KHDRBS3: variants seen among roughly 807,000 people sequenced by gnomAD.
The protein encoded by KHDRBS3 is KH RNA binding domain containing, signal transduction associated 3, also known as KH domain-containing, RNA-binding, signal transduction-associated protein 3.
A neutral mutation model predicts 45.6 loss-of-function variants in KHDRBS3; 23 were observed. The ratio of observed to expected loss-of-function variants is 0.50; its 90% CI spans 0.36 to 0.72. The LOEUF (loss-of-function observed/expected upper bound fraction) is 0.72. Among genes scored for constraint, KHDRBS3 ranks in the 30% least tolerant of loss-of-function variants. The probability of loss-of-function intolerance (pLI) is 0.00; values close to 1 mark genes in which losing one functional copy is unlikely to be tolerated. For missense variants in KHDRBS3, 352 were observed against 424.8 expected (o/e 0.83, Z 1.51); for synonymous variants, 162 against 156.5 (o/e 1.04, Z -0.26).
At chr8:135,542,591 T>C in intron 2 of KHDRBS3, 63 bp from the exon 3 acceptor site, 1 of 1,040,868 alleles carries the variant, frequency 9.6e-7, no homozygotes, top group Non-Finnish European at 1.5e-6. Context: ...TTTCTTAACA[T>C]TCAAGATTAA....
At chr8:135,585,228 C>CAAAAAAAAAAA (rs35301059) in intron 6 of KHDRBS3, among the ~76,000 whole-genome samples, 1 of 96,170 alleles carries the variant, frequency 1.0e-5, no homozygotes, top group African/African-American at 4.3e-5. Flanking sequence ...GACTCCGTCT[C>CAAAAAAAAAAA]AAAAAAAAAA....
At chr8:135,498,505 A>G (rs1374047335) in intron 1 of KHDRBS3, among the ~76,000 whole-genome samples, 1 of 152,180 alleles carries the variant, frequency 6.6e-6, no homozygotes, top group African/African-American at 2.4e-5. Context: ...ACCTGTTCAG[A>G]ACATTCATTA....
At position 135,614,536 on chromosome 8, in the gene KHDRBS3, A is replaced by C. The variant is rs138949316; in HGVS notation, c.890+7499A>C. ...GGCTCCTAGAGTGATCATAAACTAA[A>C]TAGAACATAAAGGGTCTCAAAAAGT... On this transcript the variant is annotated intron_variant, in intron 7 of 8. Transcript: ENST00000355849. Among the ~76,000 whole-genome samples the C allele has an allele frequency of 1.5e-3, 230 of 151,968 alleles. 8 individuals carry two copies. Among genetic ancestry groups the C allele is most frequent in the African/African-American group, 5.2e-3 (215 of 41,236 alleles).
At chr8:135,574,176 TCACCTCCATCATGTTAGCACG>T (rs1827843246) in intron 5 of KHDRBS3, among the ~76,000 whole-genome samples, 1 of 103,656 alleles carries the variant, frequency 9.6e-6, no homozygotes, top group African/African-American at 3.1e-5. Flanking sequence ...TGTTAGCACG[TCACCTCCATCATGTTAGCACG>T]TCACCTCCAT....
At chr8:135,609,248 C>T (rs1829608998) in intron 7 of KHDRBS3, among the ~76,000 whole-genome samples, 1 of 151,968 alleles carries the variant, frequency 6.6e-6, no homozygotes, top group Admixed American at 6.6e-5. Context: ...TGTACAAATA[C>T]ATTTCTTCAT....
At chr8:135,557,098 A>G (rs973549846) in intron 4 of KHDRBS3, among the ~76,000 whole-genome samples, 1 of 152,190 alleles carries the variant, frequency 6.6e-6, no homozygotes, top group African/African-American at 2.4e-5. Context: ...GGTTCATTAT[A>G]GATAATCAAT....
chr8:135,653,420 C>T (rs1405183845), intron 4 of KHDRBS3, among the ~76,000 whole-genome samples: 1 of 152,192 alleles, frequency 6.6e-6, no homozygotes, highest in Non-Finnish European at 1.5e-5. Context: ...ACAGTCCCTA[C>T]TACAATAGTT....
At chr8:135,589,582 A>G (rs575501309) in intron 6 of KHDRBS3, among the ~76,000 whole-genome samples, 30 of 152,290 alleles carry the variant, frequency 2.0e-4, no homozygotes, top group Non-Finnish European at 3.4e-4. Flanking sequence ...TTTACTATTT[A>G]TAGCTTTAGA....
intron 6 of KHDRBS3, among the ~76,000 whole-genome samples, chr8:135,602,012 A>C (rs774418425): frequency 6.6e-6 from 1 of 152,164 alleles, no homozygotes; most frequent in Non-Finnish European, 1.5e-5. Context: ...CAGATAAAAA[A>C]ATCTTAAGGT....
chr8:135,605,398 T>G (rs1270597649), intron 6 of KHDRBS3, among the ~76,000 whole-genome samples: 1 of 152,174 alleles, frequency 6.6e-6, no homozygotes, highest in African/African-American at 2.4e-5. Flanking sequence ...TTCTTCATCC[T>G]AGTTCTATCT....
At chr8:135,497,268 A>C (rs1427913773) in intron 1 of KHDRBS3, among the ~76,000 whole-genome samples, 1 of 152,174 alleles carries the variant, frequency 6.6e-6, no homozygotes, top group Non-Finnish European at 1.5e-5. Context: ...GAGTCAGAAA[A>C]TCAGCTATGC....
intron 1 of KHDRBS3, among the ~76,000 whole-genome samples, chr8:135,466,649 A>G (rs1355363158): frequency 2.0e-5 from 3 of 152,160 alleles, no homozygotes; most frequent in South Asian, 2.1e-4. Flanking sequence ...TTGGTGTGCA[A>G]ATTTCTGCTT....
chr8:135,488,000 G>A (rs539454303), intron 1 of KHDRBS3, among the ~76,000 whole-genome samples: 1 of 152,130 alleles, frequency 6.6e-6, no homozygotes, highest in Admixed American at 6.5e-5. Flanking sequence ...GTGTTTTATT[G>A]TTTTCACAAA....
intron 1 of KHDRBS3, among the ~76,000 whole-genome samples, chr8:135,480,147 A>G (rs981279500): frequency 6.6e-6 from 1 of 152,156 alleles, no homozygotes; most frequent in African/African-American, 2.4e-5. Flanking sequence ...CAAATTAGGA[A>G]TAGAAAGGAA....
intron 5 of KHDRBS3, among the ~76,000 whole-genome samples, chr8:135,573,702 G>C (rs1211902289): frequency 1.3e-5 from 2 of 148,844 alleles, no homozygotes; most frequent in Non-Finnish European, 2.9e-5. Context: ...TCATTTCTGA[G>C]TGACTGTTTT....
rs969246240 is a variant in KHDRBS3, at chr8:135,476,809, T to C, written c.88+18855T>C. 5.3e-5 allele frequency among the ~76,000 whole-genome samples: 8 copies of C among 152,194 alleles called. No homozygotes were observed. In the East Asian group the frequency reaches 1.3e-3, roughly 26 times the overall value. ...GGTGGGTAAAAAATATATAAAAATA[T>C]AGAGTAAGGATAAAAAAGGTAAATG... On this transcript the variant is annotated intron_variant, in intron 1 of 8. Transcript: ENST00000355849.
intron 7 of KHDRBS3, among the ~76,000 whole-genome samples, chr8:135,639,700 G>A (rs1830978290): frequency 6.6e-6 from 1 of 152,236 alleles, no homozygotes; most frequent in Non-Finnish European, 1.5e-5. Flanking sequence ...CAGGGCCTCA[G>A]GGAGCTGTTA....
intron 1 of KHDRBS3, among the ~76,000 whole-genome samples, chr8:135,516,203 C>T (rs187268604): frequency 5.0e-4 from 76 of 152,236 alleles, no homozygotes; most frequent in Non-Finnish European, 9.7e-4. Flanking sequence ...GTGCAAAAGA[C>T]AAAACATGGA....
chr8:135,588,097 G>C (rs1228643609), intron 6 of KHDRBS3, among the ~76,000 whole-genome samples: 2 of 152,154 alleles, frequency 1.3e-5, no homozygotes, highest in Non-Finnish European at 2.9e-5. Context: ...ACAGTTAAAG[G>C]CTTAGTCCCA....
Sources: allele counts gnomAD v4.1 joint callset (sites outside exome capture counted in the v4.1 genomes callset), GRCh38; gene constraint gnomAD v4.1.1; transcripts MANE v1.5; gene names NCBI Gene and HGNC (gene_info 2026-07-23, HGNC 2026-07-21).